The following COL6A6 variants were observed in gnomAD, a reference collection of about 807,000 sequenced individuals.
COL6A6 encodes the protein collagen alpha-6(VI) chain.
Under a neutral mutation model 208.6 loss-of-function variants are expected in COL6A6, and 183 were observed. The observed-to-expected ratio is 0.88, with a 90% CI of 0.78 to 0.99. COL6A6 has a LOEUF of 0.99. Ranked by LOEUF, COL6A6 falls within the 50% of genes least tolerant of loss-of-function variation. The probability of loss-of-function intolerance (pLI) is 0.00; values close to 1 mark genes in which losing one functional copy is unlikely to be tolerated. For missense variants in COL6A6, 2,816 were observed against 2,815.2 expected, an observed-to-expected ratio of 1.00 and a Z score of -0.01; for synonymous variants, 973 against 1,011.8, an observed-to-expected ratio of 0.96 and a Z score of 0.73.
intron 20 of COL6A6, among the ~76,000 whole-genome samples, chr3:130,602,085 T>C (rs746790867): frequency 7.9e-5 from 12 of 152,188 alleles, no homozygotes; most frequent in Non-Finnish European, 1.6e-4. Flanking sequence ...TTTTATTATG[T>C]ACAACTAGCA....
At chr3:130,583,734 A>G (rs187305709) in intron 10 of COL6A6, among the ~76,000 whole-genome samples, 2 of 152,316 alleles carry the variant, frequency 1.3e-5, no homozygotes, top group East Asian at 1.9e-4. Flanking sequence ...ACTTACACCA[A>G]GCAAGATCTC....
At chr3:130,646,922 A>T (rs2065477321) in intron 32 of COL6A6, among the ~76,000 whole-genome samples, 1 of 152,154 alleles carries the variant, frequency 6.6e-6, no homozygotes, top group Non-Finnish European at 1.5e-5. Flanking sequence ...AAGGGTAGGA[A>T]ATGTCAAAGC....
At chr3:130,651,564 T>A (rs2065646923) in intron 33 of COL6A6, among the ~76,000 whole-genome samples, 1 of 152,072 alleles carries the variant, frequency 6.6e-6, no homozygotes, top group African/African-American at 2.4e-5. Context: ...AATAGTAGCA[T>A]CATTGAACTA....
chr3:130,664,973 C>T, intron 35 of COL6A6, 30 bp from the exon 36 acceptor site: 1 of 1,428,348 alleles, frequency 7.0e-7, no homozygotes, highest in Non-Finnish European at 9.7e-7. Flanking sequence ...GTCATGAATA[C>T]AAGACTTATC....
chr3:130,645,100 CA>C, intron 32 of COL6A6, 98 bp downstream of exon 32: 1 of 1,147,576 alleles, frequency 8.7e-7, no homozygotes, highest in Non-Finnish European at 1.3e-6. Flanking sequence ...CCAAATGACA[CA>C]AATTTTATCT....
chr3:130,622,401 A>G (rs1161044386), intron 24 of COL6A6, among the ~76,000 whole-genome samples: 3 of 152,170 alleles, frequency 2.0e-5, no homozygotes, highest in Non-Finnish European at 4.4e-5. Context: ...TAAATATTGA[A>G]TAAATGAATC....
Position 130,571,272 on chromosome 3 carries a change from TCC to T in COL6A6, c.2858_2859del (p.Pro953ArgfsTer42). ...TGGCTGTGGGGATTGATGGTGCCAA[TCC>T]CGTGGAGCTGTTAGCCATGGCAGGA... The part of the protein sequence containing the change: ...VLAVGIDGAN[P>X]VELLAMAGSS... On this transcript the variant is annotated frameshift_variant, in exon 7 of 37. Transcript: ENST00000358511. LOFTEE classifies it high-confidence loss of function. The T allele has an allele frequency of 6.2e-7, 1 of 1,614,064 alleles. No individual in the cohort carries two copies. The highest frequency in any genetic ancestry group is 1.1e-5 in the South Asian group (1 of 91,088).
chr3:130,547,810 A>T (rs1230462926), intron 1 of COL6A6, among the ~76,000 whole-genome samples: 1 of 152,030 alleles, frequency 6.6e-6, no homozygotes, highest in Non-Finnish European at 1.5e-5. Context: ...TTATTTATTT[A>T]TTTTTGAGAG....
At chr3:130,666,328 G>A (rs888557706) in intron 36 of COL6A6, among the ~76,000 whole-genome samples, 31 of 152,182 alleles carry the variant, frequency 2.0e-4, no homozygotes, top group African/African-American at 6.8e-4. Flanking sequence ...TGTGGTAGTA[G>A]TATCATGTTT....
chr3:130,601,758 G>A (rs933975994), intron 20 of COL6A6, among the ~76,000 whole-genome samples: 1 of 152,126 alleles, frequency 6.6e-6, no homozygotes, highest in Non-Finnish European at 1.5e-5. Flanking sequence ...TTCCTCTTAC[G>A]TGCATCTCAC....
chr3:130,639,041 A>G (rs1014928169), intron 28 of COL6A6, among the ~76,000 whole-genome samples: 6 of 152,058 alleles, frequency 3.9e-5, no homozygotes, highest in Non-Finnish European at 8.8e-5. Context: ...TCTATTCCCT[A>G]TTTATAAAAT....
intron 13 of COL6A6, among the ~76,000 whole-genome samples, chr3:130,591,638 T>C (rs1445829764): frequency 1.3e-5 from 2 of 152,236 alleles, no homozygotes; most frequent in East Asian, 3.8e-4. Flanking sequence ...CAAATATTTG[T>C]AGGCTTCAGC....
At position 130,639,064 on chromosome 3, in the gene COL6A6, G is replaced by A. The variant is rs141163225; in HGVS notation, c.5092-2588G>A. Among the ~76,000 whole-genome samples, 657 of 152,170 alleles carry A rather than the reference G, an allele frequency of 4.3e-3. 1 individual carries two copies. Among genetic ancestry groups the A allele is most frequent in the South Asian group, 0.014 (68 of 4,818 alleles). On this transcript the variant is annotated intron_variant, in intron 28 of 36. Transcript: ENST00000358511. Reference sequence around the variant, plus strand: ...CTATTTATAAAATACCTATTATTGGGTGTATTAGTATTAATTTTCTTATTT... The same window carrying A: ...CTATTTATAAAATACCTATTATTGGATGTATTAGTATTAATTTTCTTATTT...
intron 36 of COL6A6, among the ~76,000 whole-genome samples, chr3:130,670,141 A>C (rs905830636): frequency 6.6e-6 from 1 of 152,204 alleles, no homozygotes; most frequent in Non-Finnish European, 1.5e-5. Flanking sequence ...ATAATTCCTG[A>C]AGTCAAGCCT....
intron 18 of COL6A6, among the ~76,000 whole-genome samples, chr3:130,596,400 G>A (rs2063852050): frequency 6.6e-6 from 1 of 152,158 alleles, no homozygotes; most frequent in South Asian, 2.1e-4. Context: ...GTGTGATTGT[G>A]TAACATATTT....
intron 36 of COL6A6, 36 bp from the exon 37 acceptor site, chr3:130,675,166 C>G (rs1357022990): frequency 7.5e-7 from 1 of 1,325,410 alleles, no homozygotes; most frequent in Admixed American, 2.7e-5. Flanking sequence ...GTTGAAATGG[C>G]ATTTATCTTC....
chr3:130,643,159 G>GC, intron 31 of COL6A6, 136 bp downstream of exon 31: 1 of 876,248 alleles, frequency 1.1e-6, no homozygotes, highest in South Asian at 1.6e-5. Flanking sequence ...TTTTGAGTCA[G>GC]CATAGACTGG....
chr3:130,634,495 C>T, intron 26 of COL6A6, 95 bp from the exon 27 acceptor site: 1 of 1,130,182 alleles, frequency 8.8e-7, no homozygotes, highest in Non-Finnish European at 1.3e-6. Flanking sequence ...TTCAGAGGTA[C>T]CAAAACTACA....
intron 22 of COL6A6, 97 bp from the exon 23 acceptor site, chr3:130,610,552 C>A: frequency 1.1e-6 from 1 of 897,022 alleles, no homozygotes; most frequent in Non-Finnish European, 1.8e-6. Context: ...CCATTTCTGT[C>A]CATGTTACTG....
Sources: allele counts gnomAD v4.1 joint callset (sites outside exome capture counted in the v4.1 genomes callset), GRCh38; gene constraint gnomAD v4.1.1; transcripts MANE v1.5; gene names NCBI Gene and HGNC (gene_info 2026-07-23, HGNC 2026-07-21).